The following PPHLN1 variants were observed in gnomAD, a reference collection of about 807,000 sequenced individuals.
The protein encoded by PPHLN1 is periphilin-1.
Under a neutral mutation model 51.3 loss-of-function variants are expected in PPHLN1, and 29 were observed. That is an observed-to-expected ratio of 0.57 (90% confidence interval 0.42 to 0.77). The LOEUF (loss-of-function observed/expected upper bound fraction) is 0.77, where lower values mean the gene tolerates loss of function less well. PPHLN1 is among the 30% of genes least tolerant of loss of function. The pLI is 0.00. For missense variants in PPHLN1, 436 were observed against 438.4 expected (o/e 0.99, Z 0.05); for synonymous variants, 147 against 147.8 (o/e 0.99, Z 0.04).
intron 1 of PPHLN1, among the ~76,000 whole-genome samples, chr12:42,327,485 C>G (rs183250968): frequency 6.6e-6 from 1 of 152,314 alleles, no homozygotes. Flanking sequence ...AGGCTCTTTT[C>G]TCTCTCTGGG....
At chr12:42,409,269 T>A (rs1408213243) in intron 9 of PPHLN1, among the ~76,000 whole-genome samples, 3 of 152,098 alleles carry the variant, frequency 2.0e-5, no homozygotes, top group Non-Finnish European at 2.9e-5. Flanking sequence ...GGACAACTCC[T>A]GTCACTTTTA....
chr12:42,405,478 A>G (rs57090611), intron 9 of PPHLN1, among the ~76,000 whole-genome samples: 1,573 of 152,362 alleles, frequency 0.01, 28 homozygotes, highest in African/African-American at 0.035. Flanking sequence ...TTGAAAGTAA[A>G]CACTAGAAGT....
At chr12:42,389,397 A>G (rs1412145306) in intron 7 of PPHLN1, among the ~76,000 whole-genome samples, 3 of 105,090 alleles carry the variant, frequency 2.9e-5, no homozygotes, top group Non-Finnish European at 4.3e-5. Flanking sequence ...ATAAACAAAC[A>G]AAAAAAAAAA....
intron 7 of PPHLN1, among the ~76,000 whole-genome samples, chr12:42,393,028 C>A (rs1046217669): frequency 2.0e-5 from 3 of 152,092 alleles, no homozygotes; most frequent in African/African-American, 7.2e-5. Flanking sequence ...AAAGTCCATA[C>A]CTTGTTTAGT....
chr12:42,362,750 A>G (rs1026673068), intron 4 of PPHLN1, among the ~76,000 whole-genome samples: 4 of 151,956 alleles, frequency 2.6e-5, no homozygotes, highest in African/African-American at 9.7e-5. Context: ...TCCTTTTTCC[A>G]TCTGTGGGAA....
intron 4 of PPHLN1, among the ~76,000 whole-genome samples, chr12:42,368,840 T>C (rs535919995): frequency 3.3e-4 from 51 of 152,278 alleles, no homozygotes; most frequent in African/African-American, 1.2e-3. Flanking sequence ...AGCACAAAAA[T>C]TTTAAGATAT....
chr12:42,392,510 T>C (rs993278840), intron 7 of PPHLN1, among the ~76,000 whole-genome samples: 2 of 152,146 alleles, frequency 1.3e-5, no homozygotes, highest in African/African-American at 4.8e-5. Flanking sequence ...AGAAGGTTTT[T>C]TAAGAAGAGA....
chr12:42,352,973 C>T (rs975077519), intron 3 of PPHLN1, among the ~76,000 whole-genome samples: 1 of 151,806 alleles, frequency 6.6e-6, no homozygotes. Context: ...CCTGTAATCC[C>T]AGCTACTTGG....
chr12:42,407,417 A>G (rs535392088), intron 9 of PPHLN1, among the ~76,000 whole-genome samples: 49 of 152,324 alleles, frequency 3.2e-4, no homozygotes, highest in African/African-American at 1.1e-3. Flanking sequence ...TGCTTATGAC[A>G]TGGCCTCCAC....
At chr12:42,377,603 C>G (rs1322512957) in intron 5 of PPHLN1, among the ~76,000 whole-genome samples, 2 of 152,108 alleles carry the variant, frequency 1.3e-5, no homozygotes, top group South Asian at 4.2e-4. Flanking sequence ...TGTGCTCTGC[C>G]CTTACGACCT....
chr12:42,352,565 G>A (rs764294835), intron 3 of PPHLN1, among the ~76,000 whole-genome samples: 3 of 151,332 alleles, frequency 2.0e-5, no homozygotes, highest in African/African-American at 4.8e-5. Flanking sequence ...ACGTGCCACC[G>A]TGCCTGGCTA....
Position 42,335,969 on chromosome 12 carries a change from C to A in PPHLN1, c.67C>A (p.Pro23Thr). The A allele has an allele frequency of 6.4e-7, 1 of 1,572,886 alleles. No individual in the cohort carries two copies. The highest frequency in any genetic ancestry group is 1.2e-5 in the South Asian group (1 of 84,590). ...PRERAPPRSH[P>T]SDGYNRLVNI... ...AGAACGAGCACCTCCTCGAAGTCAT[C>A]CCAGTGTAAGTTACTCCTACATATT... Residue 23 changes from proline to threonine, a missense_variant, in exon 2 of 10, where the codon CCC becomes ACC. Physicochemically the swap from Pro to Thr is conservative, Grantham distance 38. Coordinates refer to ENST00000358314, the MANE Select transcript of PPHLN1 (RefSeq NM_201439.2).
intron 9 of PPHLN1, among the ~76,000 whole-genome samples, chr12:42,410,041 T>G (rs2079664693): frequency 6.6e-6 from 1 of 152,166 alleles, no homozygotes; most frequent in Non-Finnish European, 1.5e-5. Context: ...TTTTTAAATC[T>G]AGAGGGTTTA....
At chr12:42,351,353 T>A (rs2073326908) in intron 2 of PPHLN1, 1 of 152,226 alleles carries the variant, frequency 6.6e-6, no homozygotes, top group African/African-American at 2.4e-5. Context: ...TTATATCAGC[T>A]TTTATTTTGC....
intron 4 of PPHLN1, among the ~76,000 whole-genome samples, chr12:42,370,479 A>G (rs2075700887): frequency 6.6e-6 from 1 of 152,186 alleles, no homozygotes; most frequent in Admixed American, 6.5e-5. Flanking sequence ...TTCTTGAAAT[A>G]AGAGTTTTTC....
rs1491123459 is a variant in PPHLN1, at chr12:42,426,229, C to CA, written c.910-15086_910-15085insA. On this transcript the variant is annotated intron_variant, in intron 9 of 9. Transcript: ENST00000358314. ...ACACACACACACACACACACACACA[C>CA]CCTCATGCATTGTCTCATGGCAGTT... is the stretch of plus-strand genomic sequence containing the variant. Among the ~76,000 whole-genome samples, 520 of 137,974 alleles carry CA rather than the reference C, an allele frequency of 3.8e-3. 3 individuals are homozygous for CA. Among genetic ancestry groups the CA allele is most frequent in the African/African-American group, 0.013 (477 of 37,132 alleles). 90.5% of individuals were successfully genotyped at this position (137,974 alleles called of 152,430 possible). A position where few individuals can be genotyped will look rare whatever the true frequency, so the allele number is the denominator to read the frequency against.
intron 7 of PPHLN1, among the ~76,000 whole-genome samples, chr12:42,392,646 A>G (rs1310527465): frequency 1.3e-5 from 2 of 152,250 alleles, no homozygotes; most frequent in Non-Finnish European, 2.9e-5. Context: ...TTGACAATTC[A>G]TATCTTATTT....
intron 8 of PPHLN1, among the ~76,000 whole-genome samples, chr12:42,398,062 C>T (rs2078434424): frequency 1.3e-5 from 2 of 151,788 alleles, no homozygotes; most frequent in Non-Finnish European, 2.9e-5. Flanking sequence ...TTCTTTGCTA[C>T]TTCTTCTAAG....
intron 4 of PPHLN1, among the ~76,000 whole-genome samples, chr12:42,369,297 TA>T (rs2075575981): frequency 6.6e-6 from 1 of 152,190 alleles, no homozygotes; most frequent in Non-Finnish European, 1.5e-5. Flanking sequence ...CTCTGTAAAG[TA>T]AGTTCCCTGG....
Sources: allele counts gnomAD v4.1 joint callset (sites outside exome capture counted in the v4.1 genomes callset), GRCh38; gene constraint gnomAD v4.1.1; transcripts MANE v1.5; gene names NCBI Gene and HGNC (gene_info 2026-07-23, HGNC 2026-07-21).